CHD1L: variants seen among roughly 807,000 people sequenced by gnomAD.
CHD1L encodes ATP-dependent chromatin remodeler CHD1L.
A neutral mutation model predicts 115.9 loss-of-function variants in CHD1L; 118 were observed. The observed-to-expected ratio is 1.02, with a 90% CI of 0.88 to 1.19. The LOEUF (loss-of-function observed/expected upper bound fraction) is 1.19, where lower values mean the gene tolerates loss of function less well. Ranked by LOEUF, CHD1L falls within the 50% of genes most tolerant of loss-of-function variation. The pLI is 0.00. For missense variants in CHD1L, 1,179 were observed against 1,065.3 expected, an observed-to-expected ratio of 1.11 and a Z score of -1.49; for synonymous variants, 411 against 387.1, an observed-to-expected ratio of 1.06 and a Z score of -0.72.
At chr1:147,240,933 G>A (rs1664805267), upstream of CHD1L, among the ~76,000 whole-genome samples, 1 of 152,110 alleles carries the variant, frequency 6.6e-6, no homozygotes, top group African/African-American at 2.4e-5. Context: ...CAGGTCCTCT[G>A]TATGCTGAGC....
rs1678400941 is a variant in CHD1L, at chr1:147,276,223, G to A, written c.1505G>A (p.Gly502Glu). 7 of 1,614,130 alleles carry A rather than the reference G, an allele frequency of 4.3e-6. No homozygotes were observed. The highest frequency in any genetic ancestry group is 5.9e-6 in the Non-Finnish European group (7 of 1,180,018). Reference sequence around the variant, plus strand: ...ATAGAAGGAGGCCATTTTACTCTGGGAGCCCAGAAACCCGCTGCCGATGCT... The same window carrying A: ...ATAGAAGGAGGCCATTTTACTCTGGAAGCCCAGAAACCCGCTGCCGATGCT... ...MIIEGGHFTL[G>E]AQKPAADADL... is the part of the protein sequence containing the mutation. The change falls in exon 14 of 23, where the codon GGA becomes GAA. Residue 502 changes from glycine (G) to glutamate (E), a missense_variant. By Grantham distance (98) the Gly-to-Glu change is moderately conservative. Transcript: ENST00000369258.
At chr1:147,188,642 T>C in the CHD1L span, among the ~76,000 whole-genome samples, 3 of 150,864 alleles carry the variant, frequency 2.0e-5, no homozygotes, top group Non-Finnish European at 4.4e-5. Flanking sequence ...TGTATACACA[T>C]AGTCGGCCTT....
At chr1:147,209,111 C>T in the CHD1L span, 1 of 1,435,272 alleles carries the variant, frequency 7.0e-7, no homozygotes, top group Admixed American at 1.8e-5. Flanking sequence ...TTCAAAAGCA[C>T]CCCCATTTTC....
chr1:147,263,235 C>T (rs926977729), intron 6 of CHD1L, among the ~76,000 whole-genome samples: 10 of 151,866 alleles, frequency 6.6e-5, no homozygotes, highest in African/African-American at 2.2e-4. Flanking sequence ...CAAAAGCAGC[C>T]TGGGCAACAT....
intron 1 of CHD1L, among the ~76,000 whole-genome samples, chr1:147,243,963 A>T (rs1207834232): frequency 6.6e-6 from 1 of 152,240 alleles, no homozygotes; most frequent in African/African-American, 2.4e-5. Flanking sequence ...GAGGACGCTG[A>T]CATGAAAGAG....
chr1:147,271,169 A>C, intron 11 of CHD1L, 164 bp downstream of exon 11: 1 of 574,706 alleles, frequency 1.7e-6, no homozygotes, highest in Non-Finnish European at 3.0e-6. Flanking sequence ...GTGATGTGTG[A>C]AGGCAAGGAT....
the CHD1L span, among the ~76,000 whole-genome samples, chr1:147,182,157 G>C: frequency 3.9e-5 from 6 of 152,054 alleles, no homozygotes; most frequent in African/African-American, 1.4e-4. Flanking sequence ...TTTTTCCTGA[G>C]GTATTGCCTC....
At chr1:147,234,653 C>A in the CHD1L span, among the ~76,000 whole-genome samples, 7 of 152,054 alleles carry the variant, frequency 4.6e-5, no homozygotes, top group Non-Finnish European at 1.5e-5. Context: ...TTTGAATGGA[C>A]AAATAACAAT....
intron 11 of CHD1L, chr1:147,271,226 C>A: frequency 5.0e-6 from 2 of 401,004 alleles, no homozygotes; most frequent in Non-Finnish European, 9.0e-6. Flanking sequence ...ACCCACGTTC[C>A]CATCAGTTAC....
rs1890038 is a variant in CHD1L, at chr1:147,252,286, C to T, written c.128-337C>T. The stretch of plus-strand genomic sequence containing the variant: ...TGTGTTGTTGCTCTTTGTTAAGTTG[C>T]ATCAGTAATGCCTCATTTCCCAGAA... On this transcript the variant is annotated intron_variant, in intron 1 of 22. Coordinates refer to ENST00000369258, the MANE Select transcript of CHD1L (RefSeq NM_004284.6). Among the ~76,000 whole-genome samples the T allele has an allele frequency of 0.16, 23,744 of 152,142 alleles. 2,553 individuals are homozygous for T. Among genetic ancestry groups the T allele is most frequent in the East Asian group, 0.44 (2,251 of 5,150 alleles).
At chr1:147,204,260 T>C in the CHD1L span, 1 of 1,103,620 alleles carries the variant, frequency 9.1e-7, no homozygotes, top group Non-Finnish European at 1.4e-6. Flanking sequence ...TCTGTTTCCT[T>C]CTTAAAAACC....
Position 147,290,228 on chromosome 1 carries a change from C to T in CHD1L, c.2321-1254C>T, listed in dbSNP as rs147712073. 6.1e-3 allele frequency among the ~76,000 whole-genome samples: 920 copies of T among 151,570 alleles called. 5 individuals carry two copies. Among genetic ancestry groups the T allele is most frequent in the Non-Finnish European group, 9.4e-3 (638 of 67,808 alleles). On this transcript the variant is annotated intron_variant, in intron 19 of 22. Coordinates refer to ENST00000369258, the MANE Select transcript of CHD1L (RefSeq NM_004284.6). ...CTCCCAAGTAGCTTTGTACCACAGG[C>T]GCACACCACCATGCCCGGCCACTCT...
At position 147,280,070 on chromosome 1, in the gene CHD1L, T is replaced by C. The variant is rs1553960755; in HGVS notation, c.1584T>C (p.Ser528=). The C allele has an allele frequency of 6.2e-7, 1 of 1,614,132 alleles. No individual in the cohort carries two copies. The highest frequency in any genetic ancestry group is 8.5e-7 in the Non-Finnish European group (1 of 1,180,024). Residue 528 remains serine, a synonymous_variant, in exon 15 of 23, where the codon TCT becomes TCC. Coordinates refer to ENST00000369258, the MANE Select transcript of CHD1L (RefSeq NM_004284.6). ...TTGGTTTGGATAAACTGCTGGCCTC[T>C]GAGGGGAGCACCATGGATGAAATAG... ...LKFGLDKLLA[S]EGSTMDEIDL...
chr1:147,282,433 C>T (rs1266212234), intron 15 of CHD1L, among the ~76,000 whole-genome samples: 1 of 152,090 alleles, frequency 6.6e-6, no homozygotes, highest in African/African-American at 2.4e-5. Context: ...GTCCTAAGCT[C>T]TTGGGGGATT....
the CHD1L span, chr1:147,201,205 G>A: frequency 4.3e-6 from 7 of 1,614,134 alleles, no homozygotes; most frequent in South Asian, 7.7e-5. Flanking sequence ...GGGCATAATG[G>A]CTCCTAAGGG....
the CHD1L span, among the ~76,000 whole-genome samples, chr1:147,232,733 G>A: frequency 0.24 from 36,630 of 152,040 alleles, 5,250 homozygotes; most frequent in East Asian, 0.58. Flanking sequence ...GCTCCTAACC[G>A]TGAGTGATAT....
intron 10 of CHD1L, among the ~76,000 whole-genome samples, chr1:147,269,667 C>CAAAAAAAAAAA (rs10649680): frequency 2.3e-4 from 21 of 93,264 alleles, no homozygotes; most frequent in African/African-American, 9.2e-4. Context: ...GGCTCCATCT[C>CAAAAAAAAAAA]AAAAAAAAAA....
chr1:147,231,888 C>T, the CHD1L span, among the ~76,000 whole-genome samples: 5 of 152,188 alleles, frequency 3.3e-5, no homozygotes, highest in Non-Finnish European at 5.9e-5. Flanking sequence ...CCGGGTGAGG[C>T]GATGCCTCGC....
intron 1 of CHD1L, among the ~76,000 whole-genome samples, chr1:147,248,569 T>C (rs1048845296): frequency 6.6e-6 from 1 of 152,228 alleles, no homozygotes; most frequent in Non-Finnish European, 1.5e-5. Flanking sequence ...TATTACTATG[T>C]TTGAGCTTAA....
Sources: gnomAD v4.1 joint callset for allele counts (sites outside exome capture counted in the v4.1 genomes callset) on GRCh38, gnomAD v4.1.1 for gene constraint, MANE v1.5 for transcripts, NCBI Gene and HGNC (gene_info 2026-07-23, HGNC 2026-07-21) for gene names.